SLC24A5: variants seen among roughly 807,000 people sequenced by gnomAD.
SLC24A5 encodes the protein sodium/potassium/calcium exchanger 5.
A neutral mutation model predicts 51.6 loss-of-function variants in SLC24A5; 46 were observed. The observed-to-expected ratio is 0.89, with a 90% CI of 0.70 to 1.14. The LOEUF (loss-of-function observed/expected upper bound fraction) is 1.14, where lower values mean the gene tolerates loss of function less well. Ranked by LOEUF, SLC24A5 falls within the 50% of genes most tolerant of loss-of-function variation. SLC24A5 has a pLI of 0.00. For synonymous variants in SLC24A5, 230 were observed against 214.9 expected (o/e 1.07, Z -0.62); for missense variants, 581 against 604.1 (o/e 0.96, Z 0.40).
rs1323240772 is a variant in SLC24A5, at chr15:48,134,948, C to G, written c.554C>G (p.Ala185Gly). The G allele has an allele frequency of 6.2e-7, 1 of 1,612,216 alleles. No individual in the cohort carries two copies. Among genetic ancestry groups the G allele is most frequent in the Non-Finnish European group, 8.5e-7 (1 of 1,178,790 alleles). Residue 185 changes from alanine (A) to glycine (G), a missense_variant, in exon 5 of 9, where the codon GCA becomes GGA. By Grantham distance (60) the Ala-to-Gly change is moderately conservative (BLOSUM62 0). Coordinates refer to ENST00000341459, the MANE Select transcript of SLC24A5 (RefSeq NM_205850.3). ...GCAGCGTACACAATTAGTGCAGCAG[C>G]AGTTCTTGGTATAATATATGACAAC... The part of the protein sequence containing the change: ...DCAAYTISAA[A>G]VLGIIYDNQV...
Position 48,134,893 on chromosome 15 carries a change from C to CT in SLC24A5, c.500dup (p.Ser168IlefsTer15). 1 of 1,609,076 alleles carries CT rather than the reference C, an allele frequency of 6.2e-7. No individual in the cohort carries two copies. The highest frequency in any genetic ancestry group is 2.2e-5 in the East Asian group (1 of 44,806). ...ACTTACCATATTACAGGTCTCAACA[C>CT]TATCATGTTGGCCCCTATTCAGAGA... On this transcript the variant is annotated frameshift_variant, in exon 5 of 9. Transcript: ENST00000341459. LOFTEE classifies it high-confidence loss of function.
chr15:48,141,467 C>T (rs2039082162), intron 8 of SLC24A5: 3 of 269,620 alleles, frequency 1.1e-5, no homozygotes, highest in Non-Finnish European at 2.2e-5. Context: ...ATCCCAGCTA[C>T]TCAGGAGGCT....
chr15:48,130,863 T>C (rs2038782805), intron 2 of SLC24A5, among the ~76,000 whole-genome samples: 1 of 152,172 alleles, frequency 6.6e-6, no homozygotes, highest in South Asian at 2.1e-4. Flanking sequence ...TACCATGTTC[T>C]AATGGGCCTA....
At position 48,121,999 on chromosome 15, in the gene SLC24A5, T is replaced by C. The variant is rs754544306; in HGVS notation, c.264T>C (p.Asp88=). 8.7e-6 allele frequency: 14 copies of C among 1,614,234 alleles called. No individual in the cohort carries two copies. The highest frequency in any genetic ancestry group is 1.2e-5 in the Non-Finnish European group (14 of 1,180,032). ...TCATGGCCATATCTATTGTCTGTGA[T>C]GAATACTTCCTACCCTCCCTGGAAA... ...YMFMAISIVC[D]EYFLPSLEII... The change falls in exon 2 of 9, where the codon GAT becomes GAC. Residue 88 remains aspartate, a synonymous_variant. Transcript: ENST00000341459.
At chr15:48,131,933 C>T (rs747947373) in intron 2 of SLC24A5, among the ~76,000 whole-genome samples, 70 of 152,152 alleles carry the variant, frequency 4.6e-4, no homozygotes, top group Non-Finnish European at 7.8e-4. Context: ...ATCTCTCAGA[C>T]CAAATTACCC....
intron 2 of SLC24A5, among the ~76,000 whole-genome samples, chr15:48,126,400 A>C (rs1316353354): frequency 6.6e-6 from 1 of 152,226 alleles, no homozygotes; most frequent in Non-Finnish European, 1.5e-5. Context: ...TTCTCTGAAC[A>C]CAGAGGGCTG....
At chr15:48,128,963 T>A (rs2038760819) in intron 2 of SLC24A5, among the ~76,000 whole-genome samples, 1 of 152,222 alleles carries the variant, frequency 6.6e-6, no homozygotes, top group Non-Finnish European at 1.5e-5. Flanking sequence ...CTGCATTTAT[T>A]ACCTATGTGA....
At chr15:48,129,717 G>A (rs2038769651) in intron 2 of SLC24A5, among the ~76,000 whole-genome samples, 2 of 151,822 alleles carry the variant, frequency 1.3e-5, no homozygotes, top group Non-Finnish European at 2.9e-5. Flanking sequence ...AGACTTGGGG[G>A]TGGGGGGTAG....
chr15:48,142,243 A>G lies in SLC24A5; in HGVS notation c.1395A>G (p.Arg465=), dbSNP rs377139913. Residue 465 remains arginine, a synonymous_variant, in exon 9 of 9, where the codon AGA becomes AGG. Transcript: ENST00000341459. ...ACTTCAATGGCTGGAAACTAGACAG[A>G]AAGTTGGGAATAGTCTGCCTATTAT... is the stretch of plus-strand genomic sequence containing the variant. The part of the protein sequence containing the change: ...AVHFNGWKLD[R]KLGIVCLLSY... 2 of 1,613,656 alleles carry G rather than the reference A, an allele frequency of 1.2e-6. No individual in the cohort carries two copies. The highest frequency in any genetic ancestry group is 2.2e-5 in the East Asian group (1 of 44,816).
chr15:48,121,374 T>C (rs930438972), intron 1 of SLC24A5, among the ~76,000 whole-genome samples: 1 of 152,216 alleles, frequency 6.6e-6, no homozygotes, highest in Non-Finnish European at 1.5e-5. Flanking sequence ...GAGATCATAG[T>C]AGGCCAAGTC....
chr15:48,142,256 G>C lies in SLC24A5; in HGVS notation c.1408G>C (p.Val470Leu). 2.5e-6 allele frequency: 4 copies of C among 1,613,322 alleles called. No homozygotes were observed. Among genetic ancestry groups the C allele is most frequent in the South Asian group, 1.1e-5 (1 of 91,062 alleles). The change falls in exon 9 of 9, where the codon GTC becomes CTC. Residue 470 changes from valine to leucine, a missense_variant. Physicochemically the swap from Val to Leu is conservative, Grantham distance 32. Coordinates refer to ENST00000341459, the MANE Select transcript of SLC24A5 (RefSeq NM_205850.3). ...GAAACTAGACAGAAAGTTGGGAATA[G>C]TCTGCCTATTATCATACTTGGGGCT... ...GWKLDRKLGI[V>L]CLLSYLGLAT... is the part of the protein sequence containing the mutation.
Position 48,142,251 on chromosome 15 carries a change from G to C in SLC24A5, c.1403G>C (p.Gly468Ala). ...FNGWKLDRKL[G>A]IVCLLSYLGL... is the part of the protein sequence containing the mutation. The stretch of plus-strand genomic sequence containing the variant: ...GGCTGGAAACTAGACAGAAAGTTGG[G>C]AATAGTCTGCCTATTATCATACTTG... Residue 468 changes from glycine (G) to alanine (A), a missense_variant, in exon 9 of 9, where the codon GGA (glycine) becomes GCA (alanine). By Grantham distance (60) the Gly-to-Ala change is moderately conservative (BLOSUM62 0). Transcript: ENST00000341459. 1 of 1,613,512 alleles carries C rather than the reference G, an allele frequency of 6.2e-7. No individual in the cohort carries two copies. The highest frequency in any genetic ancestry group is 8.5e-7 in the Non-Finnish European group (1 of 1,179,670).
chr15:48,138,361 T>C (rs1331784937), intron 6 of SLC24A5: 1 of 152,026 alleles, frequency 6.6e-6, no homozygotes, highest in Non-Finnish European at 1.5e-5. Flanking sequence ...TTTTCATAAA[T>C]TGTACTTTAG....
Position 48,134,319 on chromosome 15 carries a change from T to C in SLC24A5, c.363T>C (p.Pro121=), listed in dbSNP as rs1040334616. 6.2e-6 allele frequency: 10 copies of C among 1,613,654 alleles called. No homozygotes were observed. Among genetic ancestry groups the C allele is most frequent in the Non-Finnish European group, 7.6e-6 (9 of 1,179,660 alleles). ...TTFMAAGSSA[P]ELVTAFLGVF... Reference sequence around the variant, plus strand: ...TCATGGCAGCGGGCAGTTCAGCTCCTGAATTAGTTACTGCTTTCCTAGGTA... The same window carrying C: ...TCATGGCAGCGGGCAGTTCAGCTCCCGAATTAGTTACTGCTTTCCTAGGTA... The change falls in exon 3 of 9, where the codon CCT becomes CCC. Residue 121 remains proline (P), a synonymous_variant. Coordinates refer to ENST00000341459, the MANE Select transcript of SLC24A5 (RefSeq NM_205850.3).
intron 2 of SLC24A5, chr15:48,122,453 A>G (rs1161797387): frequency 8.4e-6 from 2 of 238,586 alleles, no homozygotes; most frequent in Admixed American, 1.0e-4. Context: ...TGATTATAAA[A>G]AGTGATAAAC....
chr15:48,125,248 ATATATCT>A (rs2038719216), intron 2 of SLC24A5, among the ~76,000 whole-genome samples: 1 of 150,002 alleles, frequency 6.7e-6, no homozygotes, highest in East Asian at 1.9e-4. Flanking sequence ...GATGAAAGAT[ATATATCT>A]TATAATAATA....
At chr15:48,133,114 A>G (rs560500547) in intron 2 of SLC24A5, among the ~76,000 whole-genome samples, 61 of 152,248 alleles carry the variant, frequency 4.0e-4, no homozygotes, top group African/African-American at 1.4e-3. Context: ...ACAGGGAGTC[A>G]ACCAAGCACA....
intron 2 of SLC24A5, among the ~76,000 whole-genome samples, chr15:48,131,662 C>A: frequency 6.6e-6 from 1 of 152,092 alleles, no homozygotes; most frequent in East Asian, 1.9e-4. Flanking sequence ...GAATCATGAG[C>A]CAAATAAACC....
At position 48,134,307 on chromosome 15, in the gene SLC24A5, C is replaced by T. The variant is rs79561033; in HGVS notation, c.351C>T (p.Gly117=). 88 of 1,613,632 alleles carry T rather than the reference C, an allele frequency of 5.5e-5. No homozygotes were observed. The highest frequency in any genetic ancestry group is 1.1e-4 in the African/African-American group (8 of 75,000). ...DVAGTTFMAA[G]SSAPELVTAF... ...CAGGCACAACTTTCATGGCAGCGGG[C>T]AGTTCAGCTCCTGAATTAGTTACTG... Residue 117 remains glycine, a synonymous_variant, in exon 3 of 9, where the codon GGC becomes GGT. Coordinates refer to ENST00000341459, the MANE Select transcript of SLC24A5 (RefSeq NM_205850.3).
Sources: allele counts gnomAD v4.1 joint callset (sites outside exome capture counted in the v4.1 genomes callset), GRCh38; gene constraint gnomAD v4.1.1; transcripts MANE v1.5; gene names NCBI Gene and HGNC (gene_info 2026-07-23, HGNC 2026-07-21).